Variants in CALCRL observed in about 807,000 individuals in gnomAD.
The protein encoded by CALCRL is calcitonin gene-related peptide type 1 receptor.
Under a neutral mutation model 60.4 loss-of-function variants are expected in CALCRL, and 27 were observed. That is an observed-to-expected ratio of 0.45 (90% confidence interval 0.33 to 0.62). CALCRL has a LOEUF of 0.62. Ranked by LOEUF, CALCRL falls within the 20% of genes least tolerant of loss-of-function variation. The pLI is 0.03. For missense variants in CALCRL, 424 were observed against 540.7 expected, an observed-to-expected ratio of 0.78 and a Z score of 2.14; for synonymous variants, 190 against 182.6, an observed-to-expected ratio of 1.04 and a Z score of -0.33.
rs1190030385 is a variant in CALCRL, at chr2:187,346,079, A to T, written c.*105T>A. ...TCATGTGAAGGCTCTTCTTTATGAC[A>T]TTCAAAAAGTCATTTAATATTGAAG... On this transcript the variant is annotated 3_prime_UTR_variant, in exon 15 of 15. Transcript: ENST00000392370. 3.0e-6 allele frequency: 2 copies of T among 667,086 alleles called. No individual in the cohort carries two copies. The highest frequency in any genetic ancestry group is 5.9e-5 in the Admixed American group (2 of 33,902). The allele number at this position is 667,086 out of a possible 1,614,324, so 41.3% of individuals were successfully genotyped here. A position where few individuals can be genotyped will look rare whatever the true frequency, so the allele number is the denominator to read the frequency against.
chr2:187,347,725 C>G (rs1686346948), intron 14 of CALCRL, among the ~76,000 whole-genome samples: 1 of 151,758 alleles, frequency 6.6e-6, no homozygotes, highest in Admixed American at 6.6e-5. Flanking sequence ...TGCAGCTTTA[C>G]AGGATACTTC....
rs1305919290 is a variant in CALCRL, at chr2:187,342,927, ATTACCT to A, written c.*3251_*3256del. ...AGCCATGAATATGCCCTCTTTAAAA[ATTACCT>A]TTAAATACTTATTTTTCTTTCTAAT... is the stretch of plus-strand genomic sequence containing the variant. On this transcript the variant is annotated 3_prime_UTR_variant, in exon 15 of 15. Transcript: ENST00000392370. Among the ~76,000 whole-genome samples, 1 of 151,616 alleles carries A rather than the reference ATTACCT, an allele frequency of 6.6e-6. No individual in the cohort carries two copies. Among genetic ancestry groups the A allele is most frequent in the African/African-American group, 2.4e-5 (1 of 41,416 alleles).
At chr2:187,387,906 T>C (rs1480398151) in intron 1 of CALCRL, 150 bp from the exon 2 acceptor site, 2 of 355,906 alleles carry the variant, frequency 5.6e-6, no homozygotes, top group Non-Finnish European at 1.0e-5. Flanking sequence ...TTGCTTACAA[T>C]ATATTTGGGT....
At chr2:187,381,712 C>T (rs1216228487) in intron 5 of CALCRL, among the ~76,000 whole-genome samples, 1 of 152,106 alleles carries the variant, frequency 6.6e-6, no homozygotes, top group Admixed American at 6.5e-5. Context: ...CCTCGGCCTC[C>T]CAAAGTGCTG....
intron 10 of CALCRL, among the ~76,000 whole-genome samples, chr2:187,359,497 T>C (rs889952947): frequency 1.3e-5 from 2 of 152,164 alleles, no homozygotes; most frequent in Non-Finnish European, 2.9e-5. Flanking sequence ...TGTTTTCTTC[T>C]ACTATAATTC....
At position 187,346,309 on chromosome 2, in the gene CALCRL, A is replaced by G. The variant is rs748059138; in HGVS notation, c.1261T>C (p.Tyr421His). Reference sequence around the variant, plus strand: ...CCATCACTGATTGTTGACACTGTGTAAGACGCACTACGAAGAGCTTCTGAG... The same window carrying G: ...CCATCACTGATTGTTGACACTGTGTGAGACGCACTACGAAGAGCTTCTGAG... The part of the protein sequence containing the change: ...SNSEALRSAS[Y>H]TVSTISDGPG... The change falls in exon 15 of 15, where the codon TAC (tyrosine) becomes CAC (histidine). Residue 421 changes from tyrosine to histidine, a missense_variant. Tyr to His is a moderately conservative substitution (Grantham distance 83, BLOSUM62 2). This residue lies in a region of CALCRL where 222 missense variants were observed against 265.6 expected (regional missense o/e 0.84). Transcript: ENST00000392370. The G allele has an allele frequency of 6.2e-7, 1 of 1,612,564 alleles. No homozygotes were observed. The highest frequency in any genetic ancestry group is 8.5e-7 in the Non-Finnish European group (1 of 1,179,046).
At position 187,352,110 on chromosome 2, in the gene CALCRL, A is replaced by G; in HGVS notation, c.1128+4T>C. ...AAGCTGCCTTCTTATCAAGAATGCC[A>G]TACCTGGAAGTGCATAAGGATGTGC... On this transcript the variant is annotated splice_donor_region_variant and intron_variant, in intron 13 of 14. Coordinates refer to ENST00000392370, the MANE Select transcript of CALCRL (RefSeq NM_005795.6). The G allele has an allele frequency of 1.2e-6, 2 of 1,610,462 alleles. No homozygotes were observed. The highest frequency in any genetic ancestry group is 1.7e-6 in the Non-Finnish European group (2 of 1,177,192).
At chr2:187,352,759 C>CT (rs989526589) in intron 12 of CALCRL, among the ~76,000 whole-genome samples, 13 of 151,836 alleles carry the variant, frequency 8.6e-5, no homozygotes, top group African/African-American at 3.1e-4. Context: ...GACATACTTT[C>CT]TAAATGTATA....
At chr2:187,427,009 C>T (rs764662357) in intron 1 of CALCRL, among the ~76,000 whole-genome samples, 3 of 152,166 alleles carry the variant, frequency 2.0e-5, no homozygotes, top group Non-Finnish European at 4.4e-5. Flanking sequence ...TATCCACCAT[C>T]CCTGTCCCCT....
At chr2:187,424,333 A>C (rs555874782) in intron 1 of CALCRL, among the ~76,000 whole-genome samples, 1 of 152,158 alleles carries the variant, frequency 6.6e-6, no homozygotes, top group South Asian at 2.1e-4. Context: ...TATCTACAGC[A>C]ATGTGAGAGA....
At chr2:187,426,933 T>C (rs1030748729) in intron 1 of CALCRL, among the ~76,000 whole-genome samples, 1 of 152,124 alleles carries the variant, frequency 6.6e-6, no homozygotes, top group African/African-American at 2.4e-5. Context: ...CCCTATATTA[T>C]TTAATGAGAT....
At chr2:187,359,737 G>A (rs531801534) in intron 10 of CALCRL, among the ~76,000 whole-genome samples, 13 of 152,176 alleles carry the variant, frequency 8.5e-5, no homozygotes, top group African/African-American at 2.9e-4. Flanking sequence ...GAAAAAAAGT[G>A]ATTAATTTAT....
At chr2:187,416,740 CAA>C (rs1689627720) in intron 1 of CALCRL, among the ~76,000 whole-genome samples, 1 of 151,940 alleles carries the variant, frequency 6.6e-6, no homozygotes, top group Admixed American at 6.6e-5. Flanking sequence ...AGGATTCTCT[CAA>C]AGAGAACATT....
At chr2:187,371,228 C>T (rs1055559279) in intron 8 of CALCRL, among the ~76,000 whole-genome samples, 5 of 149,504 alleles carry the variant, frequency 3.3e-5, no homozygotes, top group East Asian at 2.0e-4. Flanking sequence ...GGTGACAGAG[C>T]GAGACTCCGT....
At chr2:187,359,884 ATG>A (rs1686975073) in intron 10 of CALCRL, among the ~76,000 whole-genome samples, 1 of 151,944 alleles carries the variant, frequency 6.6e-6, no homozygotes, top group Non-Finnish European at 1.5e-5. Flanking sequence ...ACCTCTGTAT[ATG>A]TATTTCTTTC....
At chr2:187,403,739 A>C in intron 1 of CALCRL, among the ~76,000 whole-genome samples, 1 of 151,824 alleles carries the variant, frequency 6.6e-6, no homozygotes, top group East Asian at 1.9e-4. Flanking sequence ...TAATAAGTGG[A>C]AACCTGGAAA....
At chr2:187,378,174 G>A (rs571107067) in intron 8 of CALCRL, among the ~76,000 whole-genome samples, 8 of 152,000 alleles carry the variant, frequency 5.3e-5, no homozygotes, top group South Asian at 2.1e-4. Context: ...CAGCAGTGGC[G>A]GTGGCAGCCA....
intron 1 of CALCRL, among the ~76,000 whole-genome samples, chr2:187,405,960 GGTGTGTGTGTGTGTGTGTGT>G (rs3079520): frequency 6.8e-6 from 1 of 146,610 alleles, no homozygotes; most frequent in Non-Finnish European, 1.5e-5. Context: ...TGTATGTAGG[GGTGTGTGTGTGTGTGTGTGT>G]GTGTGTGTGT....
chr2:187,366,291 T>C (rs1304101383), intron 8 of CALCRL, among the ~76,000 whole-genome samples: 4 of 150,282 alleles, frequency 2.7e-5, no homozygotes, highest in African/African-American at 7.4e-5. Context: ...TCTAGTGTTC[T>C]ATATCACTGT....
Sources: allele counts gnomAD v4.1 joint callset (sites outside exome capture counted in the v4.1 genomes callset), GRCh38; gene constraint gnomAD v4.1.1; regional missense constraint gnomAD v4.1.1; transcripts MANE v1.5; gene names NCBI Gene and HGNC (gene_info 2026-07-23, HGNC 2026-07-21).